The following ALOX15B variants were observed in gnomAD, a reference collection of about 807,000 sequenced individuals.
ALOX15B encodes polyunsaturated fatty acid lipoxygenase ALOX15B.
In ALOX15B, 74 loss-of-function variants were observed where a neutral mutation model predicts 73.8. The ratio of observed to expected loss-of-function variants is 1.00; its 90% CI spans 0.83 to 1.22. The LOEUF is 1.22. Among genes scored for constraint, ALOX15B ranks in the 50% most tolerant of loss-of-function variants. The pLI is 0.00. For synonymous variants in ALOX15B, 353 were observed against 357.2 expected (o/e 0.99, Z 0.13); for missense variants, 896 against 859.9 (o/e 1.04, Z -0.52).
At position 8,046,734 on chromosome 17, in the gene ALOX15B, C is replaced by A. The variant is rs201001210; in HGVS notation, c.1267C>A (p.Pro423Thr). Residue 423 changes from proline (P) to threonine (T), a missense_variant, in exon 9 of 14, where the codon CCA (proline) becomes ACA (threonine). Physicochemically the swap from Pro to Thr is conservative, Grantham distance 38. Coordinates refer to ENST00000380183, the MANE Select transcript of ALOX15B (RefSeq NM_001141.3). Reference sequence around the variant, plus strand: ...ACTCGCCCGGGAGCTGCTTATCGTGCCAGGGCAGGTGGTGGACAGGGTGAG... The same window carrying A: ...ACTCGCCCGGGAGCTGCTTATCGTGACAGGGCAGGTGGTGGACAGGGTGAG... Reference protein sequence around the residue: ...NTLARELLIVPGQVVDRSTGI... With the variant: ...NTLARELLIVTGQVVDRSTGI... 14 of 1,613,794 alleles carry A rather than the reference C, an allele frequency of 8.7e-6. No individual in the cohort carries two copies. In the East Asian group the frequency reaches 2.2e-4, roughly 26 times the overall value.
At chr17:8,042,248 C>A in intron 3 of ALOX15B, 121 bp from the exon 4 acceptor site, 2 of 1,261,392 alleles carry the variant, frequency 1.6e-6, no homozygotes, top group Non-Finnish European at 1.1e-6. Context: ...CCCAGGAGGG[C>A]CCTCTTGGCT....
Position 8,047,891 on chromosome 17 carries a change from G to A in ALOX15B, c.1827G>A (p.Leu609=). 1 of 1,614,156 alleles carries A rather than the reference G, an allele frequency of 6.2e-7. No homozygotes were observed. The highest frequency in any genetic ancestry group is 8.5e-7 in the Non-Finnish European group (1 of 1,180,018). Reference sequence around the variant, plus strand: ...GTGATGTCATCCTTGCTCTCTGGTTGCTGAGCAAGGAGCCTGGAGACCAAG... The same window carrying A: ...GTGATGTCATCCTTGCTCTCTGGTTACTGAGCAAGGAGCCTGGAGACCAAG... ...ATCDVILALW[L]LSKEPGDQRP... is the part of the protein sequence containing the mutation. The change falls in exon 13 of 14, where the codon TTG becomes TTA. Residue 609 remains leucine (L), a synonymous_variant. Coordinates refer to ENST00000380183, the MANE Select transcript of ALOX15B (RefSeq NM_001141.3).
chr17:8,043,345 A>G (rs1029340264), intron 5 of ALOX15B, among the ~76,000 whole-genome samples: 1 of 152,180 alleles, frequency 6.6e-6, no homozygotes, highest in Non-Finnish European at 1.5e-5. Flanking sequence ...AGTGCCAAGG[A>G]TGGGCCGTGG....
chr17:8,040,112 C>A, intron 3 of ALOX15B, 129 bp downstream of exon 3: 1 of 822,370 alleles, frequency 1.2e-6, no homozygotes, highest in Non-Finnish European at 1.9e-6. Context: ...CTGGGATCAG[C>A]AGCGTCTACA....
Position 8,042,399 on chromosome 17 carries a change from C to T in ALOX15B, c.480C>T (p.His160=), listed in dbSNP as rs1166407794. 6.2e-7 allele frequency: 1 copy of T among 1,614,160 alleles called. No individual in the cohort carries two copies. The highest frequency in any genetic ancestry group is 2.2e-5 in the East Asian group (1 of 44,888). Residue 160 remains histidine, a synonymous_variant, in exon 4 of 14, where the codon CAC becomes CAT. Coordinates refer to ENST00000380183, the MANE Select transcript of ALOX15B (RefSeq NM_001141.3). ...QWKAYNPGWP[H]CLDEKTVEDL... The stretch of plus-strand genomic sequence containing the variant: ...AGGCTTACAACCCAGGTTGGCCTCA[C>T]TGCCTGGATGAAAAGACAGTGGAAG...
Position 8,039,165 on chromosome 17 carries a change from T to C in ALOX15B, c.10T>C (p.Phe4Leu). 1 of 1,612,816 alleles carries C rather than the reference T, an allele frequency of 6.2e-7. No individual in the cohort carries two copies. Among genetic ancestry groups the C allele is most frequent in the South Asian group, 1.1e-5 (1 of 90,894 alleles). The part of the protein sequence containing the change: MAE[F>L]RVRVSTGEAF... Reference sequence around the variant, plus strand: ...GACTTAGGCTGGCAGCATGGCCGAGTTCAGGGTCAGGGTGTCCACCGGAGA... The same window carrying C: ...GACTTAGGCTGGCAGCATGGCCGAGCTCAGGGTCAGGGTGTCCACCGGAGA... Residue 4 changes from phenylalanine (F) to leucine (L), a missense_variant, in exon 1 of 14, where the codon TTC becomes CTC. Transcript: ENST00000380183.
At position 8,048,658 on chromosome 17, in the gene ALOX15B, A is replaced by C; in HGVS notation, c.*93A>C. 7.0e-7 allele frequency: 1 copy of C among 1,430,456 alleles called. No homozygotes were observed. Among genetic ancestry groups the C allele is most frequent in the Admixed American group, 2.3e-5 (1 of 43,932 alleles). The allele number at this position is 1,430,456 out of a possible 1,614,324, so 88.6% of individuals were successfully genotyped here. A position where few individuals can be genotyped will look rare whatever the true frequency, so the allele number is the denominator to read the frequency against. ...GAGAAAAGGACTCCTCAGAAAAAAC[A>C]GGCCCCCATGTGCCTCTCCTGGGAC... On this transcript the variant is annotated 3_prime_UTR_variant, in exon 14 of 14. Coordinates refer to ENST00000380183, the MANE Select transcript of ALOX15B (RefSeq NM_001141.3).
intron 5 of ALOX15B, among the ~76,000 whole-genome samples, chr17:8,043,680 C>A (rs1232012563): frequency 6.6e-6 from 1 of 151,994 alleles, no homozygotes; most frequent in African/African-American, 2.4e-5. Flanking sequence ...CTCAGCAAGG[C>A]AGTGGCAATG....
In ALOX15B at chr17:8,039,606, G is replaced by A. The variant is rs1170798791; in HGVS notation, c.367+1G>A. The stretch of plus-strand genomic sequence containing the variant: ...ACCCTGGTGCTGCAGGAGGGTACAG[G>A]TGAGGGGCGGGCCGGGCTGGGGCTG... On this transcript the variant is annotated splice_donor_variant, in intron 2 of 13. Transcript: ENST00000380183. LOFTEE classifies it high-confidence loss of function. 3 of 1,439,016 alleles carry A rather than the reference G, an allele frequency of 2.1e-6. No homozygotes were observed. The highest frequency in any genetic ancestry group is 4.2e-5 in the Admixed American group (2 of 48,060). 89.1% of individuals were successfully genotyped at this position (1,439,016 alleles called of 1,614,324 possible). A position where few individuals can be genotyped will look rare whatever the true frequency, so the allele number is the denominator to read the frequency against.
chr17:8,048,249 C>T, intron 13 of ALOX15B, 137 bp from the exon 14 acceptor site: 2 of 1,046,590 alleles, frequency 1.9e-6, no homozygotes, highest in South Asian at 1.6e-5. Flanking sequence ...CCATCGAGGG[C>T]TACTTCAGGT....
At chr17:8,043,585 A>T (rs1467404132) in intron 5 of ALOX15B, among the ~76,000 whole-genome samples, 1 of 152,184 alleles carries the variant, frequency 6.6e-6, no homozygotes, top group Non-Finnish European at 1.5e-5. Context: ...CAGGGGAATA[A>T]TGTGGTCACT....
chr17:8,039,733 AG>A, intron 2 of ALOX15B, 128 bp downstream of exon 2: 1 of 1,219,400 alleles, frequency 8.2e-7, no homozygotes, highest in African/African-American at 1.5e-5. Flanking sequence ...GGCAGAGGAG[AG>A]GGAATGGCGG....
At chr17:8,044,468 C>G (rs1383241414) in intron 5 of ALOX15B, among the ~76,000 whole-genome samples, 1 of 151,416 alleles carries the variant, frequency 6.6e-6, no homozygotes, top group Non-Finnish European at 1.5e-5. Context: ...GGTCCCGAGT[C>G]TCCTCTGTAG....
At chr17:8,045,131 C>A in intron 6 of ALOX15B, 107 bp from the exon 7 acceptor site, 1 of 1,590,026 alleles carries the variant, frequency 6.3e-7, no homozygotes, top group Non-Finnish European at 8.6e-7. Flanking sequence ...CAAGCACACT[C>A]TCCCGAAACA....
At chr17:8,044,180 C>A (rs1011034158) in intron 5 of ALOX15B, among the ~76,000 whole-genome samples, 1 of 133,136 alleles carries the variant, frequency 7.5e-6, no homozygotes, top group Non-Finnish European at 1.7e-5. Flanking sequence ...AAGGAAAAGG[C>A]GGAAGCTGAG....
In ALOX15B at chr17:8,048,394, G is replaced by A. The variant is rs1567973804; in HGVS notation, c.1860G>A (p.Leu620=). The A allele has an allele frequency of 6.2e-7, 1 of 1,611,918 alleles. No homozygotes were observed. ...LSKEPGDQRP[L]GTYPDEHFTE... ...TTGTGGTGGATCCTCAGAGGCCCCT[G>A]GGCACCTATCCGGATGAGCACTTCA... Residue 620 remains leucine, a synonymous_variant, in exon 14 of 14, where the codon CTG becomes CTA. Coordinates refer to ENST00000380183, the MANE Select transcript of ALOX15B (RefSeq NM_001141.3).
At chr17:8,042,689 G>A in intron 4 of ALOX15B, 92 bp from the exon 5 acceptor site, 1 of 1,373,090 alleles carries the variant, frequency 7.3e-7, no homozygotes, top group Non-Finnish European at 1.0e-6. Flanking sequence ...CCCGGAGGCT[G>A]GTTCAGGATC....
intron 5 of ALOX15B, 59 bp from the exon 6 acceptor site, chr17:8,044,770 C>CCCCCCCCTCCAA: frequency 8.2e-7 from 1 of 1,216,602 alleles, no homozygotes; most frequent in South Asian, 1.4e-5. Context: ...CCGTGTCCCC[C>CCCCCCCCTCCAA]ACCCCCTGCA....
intron 5 of ALOX15B, 94 bp downstream of exon 5, chr17:8,042,978 A>G (rs997874460): frequency 4.9e-6 from 5 of 1,026,954 alleles, no homozygotes; most frequent in East Asian, 2.6e-5. Flanking sequence ...CCAATTTGCT[A>G]TGTAACCCTG....
Sources: gnomAD v4.1 joint callset for allele counts (sites outside exome capture counted in the v4.1 genomes callset) on GRCh38, gnomAD v4.1.1 for gene constraint, MANE v1.5 for transcripts, NCBI Gene and HGNC (gene_info 2026-07-23, HGNC 2026-07-21) for gene names.